The following ABCC4 variants were observed in gnomAD, a reference collection of about 807,000 sequenced individuals.
ABCC4 encodes the protein ATP binding cassette subfamily C member 4 (PEL blood group).
ABCC4 carries 102 observed loss-of-function variants against 168.5 expected under a neutral mutation model. That is an observed-to-expected ratio of 0.61 (90% CI 0.52 to 0.71). The LOEUF (loss-of-function observed/expected upper bound fraction) is 0.71, where lower values mean the gene tolerates loss of function less well. Among genes scored for constraint, ABCC4 ranks in the 30% least tolerant of loss-of-function variants. ABCC4 has a pLI of 0.00. For synonymous variants in ABCC4, 617 were observed against 590.7 expected, an observed-to-expected ratio of 1.04 and a Z score of -0.65; for missense variants, 1,402 against 1,605.8, an observed-to-expected ratio of 0.87 and a Z score of 2.17.
intron 4 of ABCC4, among the ~76,000 whole-genome samples, chr13:95,216,606 C>A (rs2039115461): frequency 7.2e-5 from 1 of 13,842 alleles, no homozygotes; most frequent in African/African-American, 2.9e-4. Context: ...GCAGGAAATT[C>A]ACAAAAAAAA....
intron 30 of ABCC4, among the ~76,000 whole-genome samples, chr13:95,033,864 G>A (rs2032002042): frequency 6.6e-6 from 1 of 152,120 alleles, no homozygotes; most frequent in Non-Finnish European, 1.5e-5. Flanking sequence ...GTTTCTCCGT[G>A]TTGGTCAGGC....
chr13:95,044,405 C>T lies in ABCC4; in HGVS notation c.3490G>A (p.Gly1164Ser), dbSNP rs749593762. Residue 1164 changes from glycine (G) to serine (S), a missense_variant, in exon 28 of 31, where the codon GGT (glycine) becomes AGT (serine). Around this residue, in one of 3 missense-constraint regions of ABCC4, gnomAD observed 1,007 missense variants for 1,127.3 expected, o/e 0.89. Transcript: ENST00000645237. The stretch of plus-strand genomic sequence containing the variant: ...TCTGCTAATTCAGTATCCATTTTAC[C>T]AGGAAGATCTTCAATGGTTTCTTTA... ...QLKETIEDLP[G>S]KMDTELAESG... The T allele has an allele frequency of 5.6e-6, 9 of 1,612,540 alleles. No individual in the cohort carries two copies. In the South Asian group the frequency reaches 8.8e-5, roughly 16 times the overall value.
At chr13:95,281,062 AGAT>A (rs2041109569) in intron 1 of ABCC4, among the ~76,000 whole-genome samples, 1 of 152,018 alleles carries the variant, frequency 6.6e-6, no homozygotes, top group Non-Finnish European at 1.5e-5. Context: ...CCCAAAAGCC[AGAT>A]AGTTCAGGTA....
intron 19 of ABCC4, among the ~76,000 whole-genome samples, chr13:95,137,850 T>G (rs1039211348): frequency 6.6e-6 from 1 of 152,200 alleles, no homozygotes; most frequent in African/African-American, 2.4e-5. Flanking sequence ...CCATGTATGT[T>G]TTTAACATTG....
chr13:95,214,821 G>T (rs532952555), intron 4 of ABCC4, among the ~76,000 whole-genome samples: 1 of 150,748 alleles, frequency 6.6e-6, no homozygotes, highest in Non-Finnish European at 1.5e-5. Flanking sequence ...GGGAGGCAGA[G>T]GTTGCAGTGA....
chr13:95,045,170 T>C (rs1046798809), intron 27 of ABCC4, among the ~76,000 whole-genome samples: 2 of 152,152 alleles, frequency 1.3e-5, no homozygotes, highest in East Asian at 3.9e-4. Flanking sequence ...ATGCTCCCAA[T>C]ATAGAGTCTG....
intron 20 of ABCC4, among the ~76,000 whole-genome samples, chr13:95,098,927 G>C (rs1293103946): frequency 3.9e-5 from 6 of 152,172 alleles, no homozygotes; most frequent in African/African-American, 1.4e-4. Context: ...TTGCCACTGG[G>C]TGTGTAAAAT....
At chr13:95,094,910 T>A (rs2034544065) in intron 20 of ABCC4, among the ~76,000 whole-genome samples, 1 of 152,140 alleles carries the variant, frequency 6.6e-6, no homozygotes, top group African/African-American at 2.4e-5. Flanking sequence ...CTATCACTAA[T>A]GACTAGGGAA....
chr13:95,093,128 T>C (rs1040938937), intron 20 of ABCC4, among the ~76,000 whole-genome samples: 3 of 152,134 alleles, frequency 2.0e-5, no homozygotes, highest in Non-Finnish European at 4.4e-5. Flanking sequence ...GAAGAATTGG[T>C]ACCAATCCTT....
At chr13:95,225,149 TCTCTCACACA>T (rs1276543028) in intron 4 of ABCC4, among the ~76,000 whole-genome samples, 2,856 of 100,208 alleles carry the variant, frequency 0.029, 50 homozygotes, top group Non-Finnish European at 0.031. Flanking sequence ...TGTCTCTCTC[TCTCTCACACA>T]CACACACACA....
At chr13:95,124,713 G>GAAAAAAAAAA (rs59665124) in intron 19 of ABCC4, among the ~76,000 whole-genome samples, 1 of 59,212 alleles carries the variant, frequency 1.7e-5, no homozygotes, top group Non-Finnish European at 2.7e-5. Context: ...TACTAAAAAC[G>GAAAAAAAAAA]AAAAAAAAAA....
rs2034392222 is a variant in ABCC4 at position 95,090,371 on chromosome 13, C to G, written c.2536-7081G>C. On this transcript the variant is annotated intron_variant, in intron 20 of 30. Coordinates refer to ENST00000645237, the MANE Select transcript of ABCC4 (RefSeq NM_005845.5). Reference sequence around the variant, plus strand: ...AACCGTCACAGGGTCCATTGCACCCCCCGACCACCTCCACCGGAACAGGTG... The same window carrying G: ...AACCGTCACAGGGTCCATTGCACCCGCCGACCACCTCCACCGGAACAGGTG... Among the ~76,000 whole-genome samples the G allele has an allele frequency of 2.0e-5, 3 of 152,282 alleles. No individual in the cohort carries two copies. The South Asian group carries it at 6.2e-4, about 32-fold the overall frequency.
intron 19 of ABCC4, among the ~76,000 whole-genome samples, chr13:95,158,261 C>T (rs1456794159): frequency 6.6e-6 from 1 of 152,104 alleles, no homozygotes; most frequent in African/African-American, 2.4e-5. Context: ...ATTAACCACA[C>T]AGATGAGGAT....
At chr13:95,175,164 A>G (rs1292725044) in intron 13 of ABCC4, among the ~76,000 whole-genome samples, 1 of 152,092 alleles carries the variant, frequency 6.6e-6, no homozygotes, top group East Asian at 1.9e-4. Flanking sequence ...GAGCCCAGAG[A>G]TGAGTTACTC....
intron 26 of ABCC4, among the ~76,000 whole-genome samples, chr13:95,061,551 GCT>G (rs1440049870): frequency 6.7e-6 from 1 of 150,256 alleles, no homozygotes; most frequent in Admixed American, 6.6e-5. Context: ...CCTGGGTTTT[GCT>G]CTTGTCTCCT....
intron 26 of ABCC4, among the ~76,000 whole-genome samples, chr13:95,059,264 C>T (rs867460304): frequency 1.3e-5 from 2 of 152,192 alleles, no homozygotes; most frequent in South Asian, 2.1e-4. Context: ...GCTCTCTGTG[C>T]CTCAGTTTGA....
intron 1 of ABCC4, among the ~76,000 whole-genome samples, chr13:95,259,603 G>A (rs1366717971): frequency 2.0e-5 from 3 of 152,136 alleles, no homozygotes; most frequent in Non-Finnish European, 4.4e-5. Context: ...TGCCAGGGTG[G>A]CAAAATCACA....
chr13:95,301,186 T>A, intron 1 of ABCC4, 55 bp downstream of exon 1: 1 of 1,504,878 alleles, frequency 6.6e-7, no homozygotes, highest in East Asian at 2.6e-5. Context: ...CCCGGGAGAG[T>A]GCGTCCGCGG....
chr13:95,049,013 C>T (rs1401334742), intron 27 of ABCC4, among the ~76,000 whole-genome samples: 2 of 152,076 alleles, frequency 1.3e-5, no homozygotes, highest in Admixed American at 6.6e-5. Context: ...TCAGTATTTA[C>T]GATAACTTTC....
Sources: gnomAD v4.1 joint callset for allele counts (sites outside exome capture counted in the v4.1 genomes callset) on GRCh38, gnomAD v4.1.1 for gene constraint, gnomAD v4.1.1 regional missense constraint, MANE v1.5 for transcripts, NCBI Gene and HGNC (gene_info 2026-07-23, HGNC 2026-07-21) for gene names.